ST3GAL1: variants seen among roughly 807,000 people sequenced by gnomAD.
ST3GAL1 encodes the protein CMP-N-acetylneuraminate-beta-galactosamide-alpha-2,3-sialyltransferase 1.
Under a neutral mutation model 34.1 loss-of-function variants are expected in ST3GAL1, and 16 were observed. The observed-to-expected ratio is 0.47, with a 90% confidence interval of 0.32 to 0.71. ST3GAL1 has a LOEUF of 0.71. Ranked by LOEUF, ST3GAL1 falls within the 30% of genes least tolerant of loss-of-function variation. The probability of loss-of-function intolerance (pLI) is 0.04; values close to 1 mark genes in which losing one functional copy is unlikely to be tolerated. For synonymous variants in ST3GAL1, 191 were observed against 184.7 expected (o/e 1.03, Z -0.28); for missense variants, 353 against 447.4 (o/e 0.79, Z 1.90).
At chr8:133,494,006 G>A (rs1378335660) in intron 3 of ST3GAL1, among the ~76,000 whole-genome samples, 1 of 152,160 alleles carries the variant, frequency 6.6e-6, no homozygotes, top group Non-Finnish European at 1.5e-5. Flanking sequence ...TTGCAAGCAT[G>A]TCTGAGTGTG....
chr8:133,536,110 A>G (rs867294058), intron 2 of ST3GAL1, among the ~76,000 whole-genome samples: 9 of 152,204 alleles, frequency 5.9e-5, no homozygotes, highest in Admixed American at 2.0e-4. Flanking sequence ...CAAAAGAAGC[A>G]GAAGTGTGAT....
intron 3 of ST3GAL1, among the ~76,000 whole-genome samples, chr8:133,495,618 T>C (rs950341907): frequency 5.3e-5 from 8 of 152,112 alleles, no homozygotes; most frequent in African/African-American, 1.9e-4. Flanking sequence ...TGTACCTGGG[T>C]TGGGTTTGCA....
At chr8:133,551,622 G>A (rs944072627) in intron 1 of ST3GAL1, among the ~76,000 whole-genome samples, 1 of 151,232 alleles carries the variant, frequency 6.6e-6, no homozygotes, top group African/African-American at 2.4e-5. Flanking sequence ...AAGAAAGAGC[G>A]AGCAAGCCTT....
chr8:133,526,174 C>T (rs1310480905), intron 2 of ST3GAL1, among the ~76,000 whole-genome samples: 1 of 152,218 alleles, frequency 6.6e-6, no homozygotes, highest in East Asian at 1.9e-4. Context: ...AGGCTCCAGG[C>T]AGCCTGCGTT....
intron 2 of ST3GAL1, among the ~76,000 whole-genome samples, chr8:133,543,285 A>G (rs768298012): frequency 3.1e-4 from 47 of 152,252 alleles, no homozygotes; most frequent in Non-Finnish European, 4.6e-4. Context: ...ATACAAGATT[A>G]AGAAAGTTTT....
rs183226534 is a variant in ST3GAL1, at chr8:133,559,584, T to G, written c.-582+12109A>C. ...ACATTCCTATTCGTGGCAGCTAACA[T>G]GTTTCCTGAGCAACGGTCTTTATTC... On this transcript the variant is annotated intron_variant, in intron 1 of 9. Coordinates refer to ENST00000522652, the MANE Select transcript of ST3GAL1 (RefSeq NM_173344.3). 3.0e-4 allele frequency among the ~76,000 whole-genome samples: 45 copies of G among 152,350 alleles called. 2 individuals carry two copies. Among genetic ancestry groups the G allele is most frequent in the Admixed American group, 2.7e-3 (41 of 15,300 alleles).
chr8:133,465,931 A>G lies in ST3GAL1; in HGVS notation c.466T>C (p.Tyr156His). The change falls in exon 6 of 10, where the codon TAT (tyrosine) becomes CAT (histidine). Residue 156 changes from tyrosine to histidine, a missense_variant. By Grantham distance (83) the Tyr-to-His change is moderately conservative (BLOSUM62 2). Transcript: ENST00000522652. ...GNSGNLRESS[Y>H]GPEIDSHDFV... ...TCGTGACTGTCTATCTCAGGCCCAT[A>G]AGAAGACTCCCTCAGGTTGCCCGAG... 6.2e-7 allele frequency: 1 copy of G among 1,614,120 alleles called. No homozygotes were observed. Among genetic ancestry groups the G allele is most frequent in the Non-Finnish European group, 8.5e-7 (1 of 1,179,980 alleles).
chr8:133,509,828 C>A (rs902768745), intron 2 of ST3GAL1, among the ~76,000 whole-genome samples: 2 of 152,094 alleles, frequency 1.3e-5, no homozygotes, highest in Admixed American at 6.5e-5. Flanking sequence ...GAGGCCAAGG[C>A]GGGTGGATCA....
chr8:133,475,650 A>C (rs1038116931), intron 5 of ST3GAL1, 69 bp downstream of exon 5: 1 of 1,453,876 alleles, frequency 6.9e-7, no homozygotes, highest in African/African-American at 1.4e-5. Flanking sequence ...CCCCACTCTC[A>C]GCCCAGACCC....
In ST3GAL1 at chr8:133,570,864, G is replaced by A. The variant is rs1458453678; in HGVS notation, c.-582+829C>T. Among the ~76,000 whole-genome samples the A allele has an allele frequency of 6.6e-6, 1 of 152,212 alleles. No homozygotes were observed. The highest frequency in any genetic ancestry group is 2.4e-5 in the African/African-American group (1 of 41,458). The stretch of plus-strand genomic sequence containing the variant: ...CCCCACGCAGGTCACACACACGAGA[G>A]ACACAGGCAAGTTGCTAACTTTTGT... On this transcript the variant is annotated intron_variant, in intron 1 of 9. Transcript: ENST00000522652. This position sits in a 1 kb window ranked among gnomAD's most constrained non-coding sequence, Gnocchi z 5.6.
At chr8:133,566,749 T>TA (rs1819413472) in intron 1 of ST3GAL1, among the ~76,000 whole-genome samples, 1 of 152,220 alleles carries the variant, frequency 6.6e-6, no homozygotes, top group African/African-American at 2.4e-5. Flanking sequence ...CACTAAGTTT[T>TA]ATTTTATTTT....
chr8:133,545,071 C>T (rs1586658135), intron 2 of ST3GAL1, among the ~76,000 whole-genome samples: 1 of 152,236 alleles, frequency 6.6e-6, no homozygotes, highest in Non-Finnish European at 1.5e-5. Flanking sequence ...CATGTGGCTA[C>T]TAAGCACATG....
intron 8 of ST3GAL1, 31 bp downstream of exon 8, chr8:133,463,383 T>A: frequency 1.2e-6 from 2 of 1,613,280 alleles, no homozygotes; most frequent in South Asian, 2.2e-5. Flanking sequence ...AAGCCTGAAC[T>A]TAGAACAGAG....
At chr8:133,503,989 G>A (rs993980294) in intron 2 of ST3GAL1, among the ~76,000 whole-genome samples, 3 of 152,214 alleles carry the variant, frequency 2.0e-5, no homozygotes, top group East Asian at 1.9e-4. Context: ...GGAGAGGAGG[G>A]GAGGCTGGTC....
Position 133,492,163 on chromosome 8 carries a change from G to A in ST3GAL1, c.-374+6972C>T, listed in dbSNP as rs76430971. Reference sequence around the variant, plus strand: ...GGCCCAGCAAGCAGGTGGGAGAACAGAGGCCAGTTCTGACCAGGAGGCATT... The same window carrying A: ...GGCCCAGCAAGCAGGTGGGAGAACAAAGGCCAGTTCTGACCAGGAGGCATT... On this transcript the variant is annotated intron_variant, in intron 3 of 9. Coordinates refer to ENST00000522652, the MANE Select transcript of ST3GAL1 (RefSeq NM_173344.3). 4.0e-3 allele frequency among the ~76,000 whole-genome samples: 604 copies of A among 152,234 alleles called. 3 individuals carry two copies. Among genetic ancestry groups the A allele is most frequent in the Middle Eastern group, 0.024 (7 of 294 alleles).
At chr8:133,516,528 C>A (rs1401364840) in intron 2 of ST3GAL1, among the ~76,000 whole-genome samples, 1 of 152,218 alleles carries the variant, frequency 6.6e-6, no homozygotes, top group Non-Finnish European at 1.5e-5. Context: ...GCTGAATTTT[C>A]TGGCTCCCTC....
intron 9 of ST3GAL1, among the ~76,000 whole-genome samples, 153 bp from the exon 10 acceptor site, chr8:133,460,090 C>T (rs997011694): frequency 5.3e-5 from 8 of 152,200 alleles, no homozygotes; most frequent in Non-Finnish European, 1.2e-4. Flanking sequence ...CCCTTCTCTA[C>T]GTTCCTGGAA....
At chr8:133,517,015 G>A (rs899298308) in intron 2 of ST3GAL1, among the ~76,000 whole-genome samples, 9 of 152,248 alleles carry the variant, frequency 5.9e-5, no homozygotes, top group African/African-American at 2.4e-5. Context: ...GAGCAGAAGT[G>A]ACACCTTGGC....
At chr8:133,492,160 ACAGAGGC>A (rs1288392314) in intron 3 of ST3GAL1, among the ~76,000 whole-genome samples, 4 of 152,096 alleles carry the variant, frequency 2.6e-5, no homozygotes, top group Admixed American at 6.6e-5. Flanking sequence ...AGGTGGGAGA[ACAGAGGC>A]CAGTTCTGAC....
Sources: allele counts gnomAD v4.1 joint callset (sites outside exome capture counted in the v4.1 genomes callset), GRCh38; gene constraint gnomAD v4.1.1; non-coding constraint Gnocchi (gnomAD v3.1); transcripts MANE v1.5; gene names NCBI Gene and HGNC (gene_info 2026-07-23, HGNC 2026-07-21).